The following NR1I2 variants were observed in gnomAD, a reference collection of about 807,000 sequenced individuals.
NR1I2 encodes the protein orphan nuclear receptor PAR1.
A neutral mutation model predicts 43.3 loss-of-function variants in NR1I2; 42 were observed. That is an observed-to-expected ratio of 0.97 (90% CI 0.76 to 1.26). The LOEUF (loss-of-function observed/expected upper bound fraction) is 1.26. Among genes scored for constraint, NR1I2 ranks in the 50% most tolerant of loss-of-function variants. The pLI, the probability that NR1I2 is intolerant of heterozygous loss-of-function variation, is 0.00. For missense variants in NR1I2, 559 were observed against 566.7 expected, an observed-to-expected ratio of 0.99 and a Z score of 0.14; for synonymous variants, 229 against 215.0, an observed-to-expected ratio of 1.06 and a Z score of -0.57.
chr3:119,806,242 A>C (rs1352599945), intron 1 of NR1I2, among the ~76,000 whole-genome samples: 1 of 152,164 alleles, frequency 6.6e-6, no homozygotes, highest in East Asian at 1.9e-4. Flanking sequence ...TATGCTCTCA[A>C]GGTGGAAGTT....
intron 1 of NR1I2, among the ~76,000 whole-genome samples, chr3:119,798,458 T>TGTTA (rs780277622): frequency 2.6e-5 from 4 of 152,032 alleles, no homozygotes; most frequent in Non-Finnish European, 5.9e-5. Flanking sequence ...ATTGAATAAC[T>TGTTA]GTTAGTATAT....
At chr3:119,814,178 T>C (rs1406795298) in intron 5 of NR1I2, among the ~76,000 whole-genome samples, 21 of 152,184 alleles carry the variant, frequency 1.4e-4, no homozygotes, top group Admixed American at 1.4e-3. Flanking sequence ...AGGTAGTGTT[T>C]CCTCAAAACC....
chr3:119,801,758 A>G (rs2472678), intron 1 of NR1I2, among the ~76,000 whole-genome samples: 148,147 of 152,318 alleles, frequency 0.97, 72,181 homozygotes, highest in East Asian at 1. Flanking sequence ...GACCTTGGCC[A>G]AGGCTGCAGT....
Position 119,817,159 on chromosome 3 carries a change from C to T in NR1I2, c.1252C>T (p.His418Tyr). The stretch of plus-strand genomic sequence containing the variant: ...GCGGCTGCTGCGCATCCAGGACATA[C>T]ACCCCTTTGCTACGCCCCTCATGCA... Residue 418 changes from histidine (H) to tyrosine (Y), a missense_variant, in exon 9 of 9, where the codon CAC becomes TAC. By Grantham distance (83) the His-to-Tyr change is moderately conservative (BLOSUM62 2). Coordinates refer to ENST00000393716, the MANE Select transcript of NR1I2 (RefSeq NM_003889.4). The T allele has an allele frequency of 6.2e-7, 1 of 1,614,220 alleles. No individual in the cohort carries two copies. Among genetic ancestry groups the T allele is most frequent in the Non-Finnish European group, 8.5e-7 (1 of 1,180,034 alleles).
At chr3:119,787,655 ATATGTGTGTGTGTGTGTG>A in intron 1 of NR1I2, among the ~76,000 whole-genome samples, 1 of 79,558 alleles carries the variant, frequency 1.3e-5, no homozygotes, top group Non-Finnish European at 2.5e-5. Context: ...TCTGCTATTA[ATATGTGTGTGTGTGTGTG>A]TGTGTGTGTG....
Position 119,812,847 on chromosome 3 carries a change from C to A in NR1I2, c.681C>A (p.Pro227=), listed in dbSNP as rs141624971. ...ATGGCAGTGTCTGGAACTACAAACC[C>A]CCAGCCGACAGTGGCGGGAAAGAGA... The change falls in exon 5 of 9, where the codon CCC becomes CCA. Residue 227 remains proline (P), a synonymous_variant. Transcript: ENST00000393716. 209 of 1,614,218 alleles carry A rather than the reference C, an allele frequency of 1.3e-4. No individual in the cohort carries two copies. The highest frequency in any genetic ancestry group is 1.6e-4 in the Non-Finnish European group (187 of 1,180,042).
rs1350862529 is a variant in NR1I2, at chr3:119,817,157, T to C, written c.1250T>C (p.Ile417Thr). 2 of 1,614,166 alleles carry C rather than the reference T, an allele frequency of 1.2e-6. No homozygotes were observed. Among genetic ancestry groups the C allele is most frequent in the Non-Finnish European group, 1.7e-6 (2 of 1,180,020 alleles). Residue 417 changes from isoleucine to threonine, a missense_variant, in exon 9 of 9, where the codon ATA becomes ACA. Physicochemically the swap from Ile to Thr is moderately conservative, Grantham distance 89. Around this residue, in one of 3 missense-constraint regions of NR1I2, gnomAD observed 323 missense variants for 312.2 expected, o/e 1.03. Transcript: ENST00000393716. The stretch of plus-strand genomic sequence containing the variant: ...CAGCGGCTGCTGCGCATCCAGGACA[T>C]ACACCCCTTTGCTACGCCCCTCATG...
In NR1I2 at chr3:119,815,475, C is replaced by A. The variant is rs12721604; in HGVS notation, c.1054+36C>A. 624 of 1,528,392 alleles carry A rather than the reference C, an allele frequency of 4.1e-4. 14 individuals carry two copies. In the East Asian group the frequency reaches 0.014, roughly 33 times the overall value. 94.7% of individuals were successfully genotyped at this position (1,528,392 alleles called of 1,614,324 possible). On this transcript the variant is annotated intron_variant, in intron 7 of 8. Coordinates refer to ENST00000393716, the MANE Select transcript of NR1I2 (RefSeq NM_003889.4). Reference sequence around the variant, plus strand: ...CCCCTAGGCTGCCTGACATCCCCCCCAGCCTTATCTGCCCTCCCCAGGGAA... The same window carrying A: ...CCCCTAGGCTGCCTGACATCCCCCCAAGCCTTATCTGCCCTCCCCAGGGAA...
At chr3:119,797,186 A>ATGTGTGTGTGTGTGTGTGTGTGTG (rs60261128) in intron 1 of NR1I2, among the ~76,000 whole-genome samples, 2 of 145,074 alleles carry the variant, frequency 1.4e-5, no homozygotes, top group Admixed American at 7.0e-5. Context: ...GCACAAAGAT[A>ATGTGTGTGTGTGTGTGTGTGTGTG]TGTGTGTGTG....
At chr3:119,792,421 C>A in intron 1 of NR1I2, 2 of 1,209,118 alleles carry the variant, frequency 1.7e-6, no homozygotes, top group Non-Finnish European at 1.2e-6. Flanking sequence ...ACTCACTGGC[C>A]ACTGCAGGGG....
intron 1 of NR1I2, among the ~76,000 whole-genome samples, chr3:119,804,426 T>C (rs2055123439): frequency 6.8e-6 from 1 of 147,298 alleles, no homozygotes; most frequent in African/African-American, 2.5e-5. Context: ...TACATTTAAC[T>C]ACCAACATAG....
In NR1I2 at chr3:119,817,345, C is replaced by T; in HGVS notation, c.*133C>T. On this transcript the variant is annotated 3_prime_UTR_variant, in exon 9 of 9. Coordinates refer to ENST00000393716, the MANE Select transcript of NR1I2 (RefSeq NM_003889.4). ...TGCTGGCCTGTCTCCCTAGGGAATT[C>T]CTGCTATGACAGCTGGCTAGCATTC... The T allele has an allele frequency of 6.4e-7, 1 of 1,555,414 alleles. No individual in the cohort carries two copies. The highest frequency in any genetic ancestry group is 8.7e-7 in the Non-Finnish European group (1 of 1,155,518).
chr3:119,805,705 C>A (rs372459477), intron 1 of NR1I2, among the ~76,000 whole-genome samples: 11 of 34,862 alleles, frequency 3.2e-4, no homozygotes, highest in African/African-American at 4.2e-4. Context: ...TTGGTCCCCC[C>A]CTCCCCCCCA....
At position 119,815,965 on chromosome 3, in the gene NR1I2, C is replaced by CT. The variant is rs570649984; in HGVS notation, c.1160+138dup. 1.7e-4 allele frequency: 122 copies of CT among 735,580 alleles called. 1 individual carries two copies. In the East Asian group the frequency reaches 3.2e-3, roughly 19 times the overall value. 45.6% of individuals were successfully genotyped at this position (735,580 alleles called of 1,614,324 possible). ...AGCCAGACCAGGTCCAAAGCTCACACTTTTGAGCACTACCTAACCACTTCC... is the reference window on the plus strand; with the variant it reads ...AGCCAGACCAGGTCCAAAGCTCACACTTTTTGAGCACTACCTAACCACTTCC... On this transcript the variant is annotated intron_variant, in intron 8 of 8. Transcript: ENST00000393716.
At chr3:119,798,657 A>AAAAG (rs947150819) in intron 1 of NR1I2, among the ~76,000 whole-genome samples, 2 of 148,286 alleles carry the variant, frequency 1.3e-5, no homozygotes, top group Non-Finnish European at 3.0e-5. Context: ...AAAAAAAAGA[A>AAAAG]AAAGAAAGAA....
At chr3:119,790,099 C>G (rs2054897198) in intron 1 of NR1I2, among the ~76,000 whole-genome samples, 1 of 152,164 alleles carries the variant, frequency 6.6e-6, no homozygotes, top group African/African-American at 2.4e-5. Flanking sequence ...CCCCTCACCC[C>G]ACAGCCCCTG....
chr3:119,782,850 C>A, intron 1 of NR1I2: 1 of 1,613,352 alleles, frequency 6.2e-7, no homozygotes, highest in Non-Finnish European at 8.5e-7. Flanking sequence ...TGGCTTCAAA[C>A]CAGTGAGTTT....
intron 1 of NR1I2, chr3:119,782,659 T>G (rs3814056): frequency 0.018 from 15,721 of 850,900 alleles, 616 homozygotes; most frequent in East Asian, 0.1. Context: ...CCAAGGACTG[T>G]GGGAGCTGGG....
chr3:119,812,630 T>C, intron 4 of NR1I2, 56 bp from the exon 5 acceptor site: 1 of 1,607,786 alleles, frequency 6.2e-7, no homozygotes, highest in Non-Finnish European at 8.5e-7. Flanking sequence ...AGTTGGGACC[T>C]GTCTATGAAA....
Sources: gnomAD v4.1 joint callset for allele counts (sites outside exome capture counted in the v4.1 genomes callset) on GRCh38, gnomAD v4.1.1 for gene constraint, gnomAD v4.1.1 regional missense constraint, MANE v1.5 for transcripts, NCBI Gene and HGNC (gene_info 2026-07-23, HGNC 2026-07-21) for gene names.